Variants in ALPK2 observed in about 807,000 individuals in gnomAD.
ALPK2 encodes alpha-protein kinase 2.
In ALPK2, 127 loss-of-function variants were observed where a neutral mutation model predicts 163.1. The observed-to-expected ratio is 0.78, with a 90% CI of 0.67 to 0.90. The LOEUF is 0.90. Among genes scored for constraint, ALPK2 ranks in the 40% least tolerant of loss-of-function variants. ALPK2 has a pLI of 0.00. For synonymous variants in ALPK2, 953 were observed against 959.1 expected (o/e 0.99, Z 0.12); for missense variants, 2,360 against 2,589.6 (o/e 0.91, Z 1.92).
At chr18:58,542,130 G>A (rs1426159426) in intron 4 of ALPK2, among the ~76,000 whole-genome samples, 4 of 152,186 alleles carry the variant, frequency 2.6e-5, no homozygotes, top group Admixed American at 6.5e-5. Context: ...TGTGTGGTGC[G>A]TGGACTTGGA....
chr18:58,611,927 G>A lies in ALPK2; in HGVS notation c.-20-110C>T, dbSNP rs2052134290. The A allele has an allele frequency of 4.6e-6, 3 of 651,358 alleles. No homozygotes were observed. The South Asian group carries it at 6.6e-5, about 14-fold the overall frequency. 40.3% of individuals were successfully genotyped at this position (651,358 alleles called of 1,614,324 possible). ...CGCCCTGGCAGCTCACTGCACGCTG[G>A]AGGGTGGGCAGACTGAAGGTCTTTG... is the stretch of plus-strand genomic sequence containing the variant. On this transcript the variant is annotated intron_variant, in intron 1 of 12. Coordinates refer to ENST00000361673, the MANE Select transcript of ALPK2 (RefSeq NM_052947.4).
chr18:58,500,245 A>G (rs952070150), intron 11 of ALPK2, among the ~76,000 whole-genome samples: 6 of 126,956 alleles, frequency 4.7e-5, no homozygotes, highest in Non-Finnish European at 8.7e-5. Context: ...TTTGAAAAAA[A>G]AAAAAAAAAC....
intron 6 of ALPK2, 76 bp from the exon 7 acceptor site, chr18:58,524,138 A>ATC (rs2051571948): frequency 6.5e-7 from 1 of 1,531,562 alleles, no homozygotes; most frequent in African/African-American, 1.4e-5. Context: ...CTTAAGGAGA[A>ATC]AGAAGCTAAG....
chr18:58,579,533 T>C lies in ALPK2; in HGVS notation c.1243A>G (p.Ser415Gly). Residue 415 changes from serine to glycine, a missense_variant, in exon 4 of 13, where the codon AGC becomes GGC. Physicochemically the swap from Ser to Gly is moderately conservative, Grantham distance 56 (BLOSUM62 0). Transcript: ENST00000361673. ...SQPQEVGVRS[S>G]RVSKHGPSSP... Reference sequence around the variant, plus strand: ...GAGGGACCGTGCTTGGAGACTCTGCTGCTCCTCACCCCAACTTCTTGGGGT... The same window carrying C: ...GAGGGACCGTGCTTGGAGACTCTGCCGCTCCTCACCCCAACTTCTTGGGGT... 1 of 1,613,860 alleles carries C rather than the reference T, an allele frequency of 6.2e-7. No individual in the cohort carries two copies. The highest frequency in any genetic ancestry group is 8.5e-7 in the Non-Finnish European group (1 of 1,180,022).
intron 12 of ALPK2, among the ~76,000 whole-genome samples, chr18:58,496,237 A>G (rs2051400489): frequency 6.6e-6 from 1 of 152,168 alleles, no homozygotes; most frequent in South Asian, 2.1e-4. Context: ...GCATCAGGGT[A>G]TGAACTGGGT....
intron 1 of ALPK2, among the ~76,000 whole-genome samples, chr18:58,624,550 G>C (rs887748263): frequency 6.6e-6 from 1 of 151,870 alleles, no homozygotes; most frequent in Non-Finnish European, 1.5e-5. Context: ...TGCCTCCCGG[G>C]TTCAAGCGAT....
rs1568092299 is a variant in ALPK2, at chr18:58,580,380, A to G, written c.396T>C (p.His132=). ...DRGWKHETGT[H]EEERANQIDE... ...CAATCTGATTTGCCCTTTCTTCTTC[A>G]TGTGTCCCTGTTTCATGTTTCCAAC... The change falls in exon 4 of 13, where the codon CAT becomes CAC. Residue 132 remains histidine, a synonymous_variant. Coordinates refer to ENST00000361673, the MANE Select transcript of ALPK2 (RefSeq NM_052947.4). The G allele has an allele frequency of 1.2e-6, 2 of 1,614,086 alleles. No individual in the cohort carries two copies. The highest frequency in any genetic ancestry group is 1.1e-5 in the South Asian group (1 of 91,070).
At chr18:58,578,769 C>CACACAG in intron 4 of ALPK2, 45 bp downstream of exon 4, 1 of 1,564,794 alleles carries the variant, frequency 6.4e-7, no homozygotes, top group East Asian at 2.2e-5. Context: ...CACACACACA[C>CACACAG]ACGGTTCTTT....
At chr18:58,492,977 C>T (rs1355426538) in intron 12 of ALPK2, among the ~76,000 whole-genome samples, 1 of 152,202 alleles carries the variant, frequency 6.6e-6, no homozygotes, top group Non-Finnish European at 1.5e-5. Flanking sequence ...TCCCTTCAGA[C>T]TTCCCTCCAG....
At position 58,579,889 on chromosome 18, in the gene ALPK2, C is replaced by T; in HGVS notation, c.887G>A (p.Ser296Asn). The change falls in exon 4 of 13, where the codon AGC (serine) becomes AAC (asparagine). Residue 296 changes from serine to asparagine, a missense_variant. Ser to Asn is a conservative substitution (Grantham distance 46). Coordinates refer to ENST00000361673, the MANE Select transcript of ALPK2 (RefSeq NM_052947.4). ...GDSAVANKQP[S>N]PQLSSEDSDS... is the part of the protein sequence containing the mutation. The stretch of plus-strand genomic sequence containing the variant: ...AGAGTCTTCACTGGAAAGCTGTGGG[C>T]TGGGTTGTTTGTTGGCCACGGCACT... 2 of 1,614,154 alleles carry T rather than the reference C, an allele frequency of 1.2e-6. No homozygotes were observed. The highest frequency in any genetic ancestry group is 1.7e-6 in the Non-Finnish European group (2 of 1,180,040).
chr18:58,607,440 C>G lies in ALPK2; in HGVS notation c.110-1G>C. 6.3e-7 allele frequency: 1 copy of G among 1,586,218 alleles called. No homozygotes were observed. The highest frequency in any genetic ancestry group is 8.6e-7 in the Non-Finnish European group (1 of 1,167,596). ...CAAGTTACCTCTGGCTTGGGCTGAC[C>G]TGACAATAAAGAAAGAAAAGTATCC... is the stretch of plus-strand genomic sequence containing the variant. On this transcript the variant is annotated splice_acceptor_variant, in intron 2 of 12. Transcript: ENST00000361673. LOFTEE classifies it high-confidence loss of function.
At chr18:58,542,363 A>C (rs1055808559) in intron 4 of ALPK2, among the ~76,000 whole-genome samples, 9 of 152,250 alleles carry the variant, frequency 5.9e-5, no homozygotes, top group African/African-American at 2.2e-4. Flanking sequence ...GCAGTAGCTC[A>C]GGAAAAGAGG....
chr18:58,596,001 GA>G (rs780211122), intron 3 of ALPK2, among the ~76,000 whole-genome samples: 8 of 152,136 alleles, frequency 5.3e-5, no homozygotes, highest in Non-Finnish European at 1.2e-4. Flanking sequence ...AAATTCTCAG[GA>G]AAACATCAGC....
chr18:58,538,171 A>T lies in ALPK2; in HGVS notation c.2016T>A (p.Ala672=), dbSNP rs1182558052. 6.2e-7 allele frequency: 1 copy of T among 1,613,630 alleles called. No individual in the cohort carries two copies. Reference sequence around the variant, plus strand: ...ACTCCTCCCCAGCAGGCTCTGAGAAAGCTGGCATCTGGCTGCAAGAGATTG... The same window carrying T: ...ACTCCTCCCCAGCAGGCTCTGAGAATGCTGGCATCTGGCTGCAAGAGATTG... ...RETISCSQMP[A]FSEPAGEESP... Residue 672 remains alanine (A), a synonymous_variant, in exon 5 of 13, where the codon GCT becomes GCA. Transcript: ENST00000361673.
At chr18:58,507,411 A>G (rs2051467331) in intron 10 of ALPK2, among the ~76,000 whole-genome samples, 1 of 152,212 alleles carries the variant, frequency 6.6e-6, no homozygotes, top group Non-Finnish European at 1.5e-5. Flanking sequence ...TGTGTAGAAT[A>G]ATCCCATATA....
Position 58,529,045 on chromosome 18 carries a change from TAAAC to T in ALPK2, c.5501+42_5501+45del, listed in dbSNP as rs764428195. ...TCTTTTTTACAACCATGTTGTGAAA[TAAAC>T]AAGCAACAACTGTGAAAAGTAACCA... On this transcript the variant is annotated intron_variant, in intron 6 of 12. Transcript: ENST00000361673. 3.4e-5 allele frequency: 55 copies of T among 1,612,286 alleles called. 1 individual carries two copies. In the South Asian group the frequency reaches 4.0e-4, roughly 12 times the overall value.
intron 1 of ALPK2, among the ~76,000 whole-genome samples, chr18:58,613,811 G>A (rs1033564159): frequency 4.0e-5 from 6 of 151,868 alleles, no homozygotes; most frequent in Non-Finnish European, 8.8e-5. Flanking sequence ...TGGCCCATGA[G>A]GCCCACCTTG....
At position 58,503,401 on chromosome 18, in the gene ALPK2, C is replaced by T. The variant is rs541469383; in HGVS notation, c.6247+530G>A. Among the ~76,000 whole-genome samples, 23 of 152,286 alleles carry T rather than the reference C, an allele frequency of 1.5e-4. 2 individuals are homozygous for T. In the South Asian group the frequency reaches 3.3e-3, roughly 22 times the overall value. The stretch of plus-strand genomic sequence containing the variant: ...GCATTATTGGCATGAATTATTGAAA[C>T]GAAATGACCTCTAGACACAGTGGCT... On this transcript the variant is annotated intron_variant, in intron 11 of 12. Coordinates refer to ENST00000361673, the MANE Select transcript of ALPK2 (RefSeq NM_052947.4).
At chr18:58,499,244 C>A (rs965705909) in intron 11 of ALPK2, among the ~76,000 whole-genome samples, 3 of 152,160 alleles carry the variant, frequency 2.0e-5, no homozygotes, top group African/African-American at 7.2e-5. Context: ...AATAGGCACC[C>A]ATTGCAAGCA....
Sources: gnomAD v4.1 joint callset for allele counts (sites outside exome capture counted in the v4.1 genomes callset) on GRCh38, gnomAD v4.1.1 for gene constraint, MANE v1.5 for transcripts, NCBI Gene and HGNC (gene_info 2026-07-23, HGNC 2026-07-21) for gene names.